The following OGDH variants were observed in gnomAD, a reference collection of about 807,000 sequenced individuals.
OGDH encodes 2-oxoglutarate dehydrogenase complex component E1.
OGDH carries 38 observed loss-of-function variants against 116.6 expected under a neutral mutation model. The ratio of observed to expected loss-of-function variants is 0.33; its 90% CI spans 0.25 to 0.43. The LOEUF is 0.43. Among genes scored for constraint, OGDH ranks in the 20% least tolerant of loss-of-function variants. The pLI is 1.00. For missense variants in OGDH, 825 were observed against 1,357.2 expected (o/e 0.61, Z 6.16); for synonymous variants, 488 against 533.3 (o/e 0.92, Z 1.17).
intron 4 of OGDH, among the ~76,000 whole-genome samples, chr7:44,665,923 A>G (rs1241714869): frequency 6.6e-6 from 1 of 152,190 alleles, no homozygotes; most frequent in Admixed American, 6.6e-5. Flanking sequence ...TTCCAGCATT[A>G]TTCTTTCTCA....
intron 14 of OGDH, among the ~76,000 whole-genome samples, 165 bp downstream of exon 14, chr7:44,696,722 TC>T (rs1280116929): frequency 6.6e-6 from 1 of 152,094 alleles, no homozygotes; most frequent in Non-Finnish European, 1.5e-5. Flanking sequence ...CCTCTCCCAC[TC>T]CCTGCCCTTA....
rs190274072 is a variant in OGDH at position 44,680,454 on chromosome 7, A to G, written c.1207-1266A>G. Among the ~76,000 whole-genome samples, 26 of 152,134 alleles carry G rather than the reference A, an allele frequency of 1.7e-4. No individual in the cohort carries two copies. In the East Asian group the frequency reaches 4.6e-3, roughly 27 times the overall value. On this transcript the variant is annotated intron_variant, in intron 9 of 22. Coordinates refer to ENST00000222673, the MANE Select transcript of OGDH (RefSeq NM_002541.4). Reference sequence around the variant, plus strand: ...ATGGAGTGTCTTGCAGTTGTAGGAGATATTTATAGGTGTGGAAGGAGGTGG... The same window carrying G: ...ATGGAGTGTCTTGCAGTTGTAGGAGGTATTTATAGGTGTGGAAGGAGGTGG...
chr7:44,645,304 C>T (rs776881257), intron 2 of OGDH, 23 bp from the exon 3 acceptor site: 6 of 1,609,382 alleles, frequency 3.7e-6, no homozygotes, highest in Non-Finnish European at 5.1e-6. Context: ...AGTGAGGTAA[C>T]CCTGTACCTT....
chr7:44,700,778 C>T (rs545733543), intron 19 of OGDH, among the ~76,000 whole-genome samples: 1 of 152,124 alleles, frequency 6.6e-6, no homozygotes, highest in Admixed American at 6.5e-5. Flanking sequence ...TTTGTGAGGC[C>T]GAGGCAGGTG....
At chr7:44,643,612 T>A (rs532092284) in intron 2 of OGDH, among the ~76,000 whole-genome samples, 81 of 152,282 alleles carry the variant, frequency 5.3e-4, no homozygotes, top group African/African-American at 1.9e-3. Context: ...CTAGCCAGCA[T>A]TATAAAAGAA....
At chr7:44,690,727 T>A (rs150227518) in intron 10 of OGDH, among the ~76,000 whole-genome samples, 89 of 152,278 alleles carry the variant, frequency 5.8e-4, no homozygotes, top group African/African-American at 1.9e-3. Flanking sequence ...CTCATAACAG[T>A]GGTGAACATT....
intron 2 of OGDH, among the ~76,000 whole-genome samples, chr7:44,630,502 T>A (rs1785392150): frequency 6.6e-6 from 1 of 152,228 alleles, no homozygotes. Flanking sequence ...TTGGAATGCA[T>A]TTTGAGTATT....
At chr7:44,622,082 T>C (rs947907672) in intron 1 of OGDH, among the ~76,000 whole-genome samples, 1 of 152,192 alleles carries the variant, frequency 6.6e-6, no homozygotes, top group Admixed American at 6.5e-5. Flanking sequence ...TGAATACTGA[T>C]AGTTAATGAG....
intron 4 of OGDH, among the ~76,000 whole-genome samples, chr7:44,657,931 T>C (rs1333748727): frequency 5.9e-5 from 9 of 152,244 alleles, no homozygotes; most frequent in Non-Finnish European, 8.8e-5. Context: ...TTTGTACTTT[T>C]GCCAAAAATC....
At chr7:44,664,932 G>T (rs1194178665) in intron 4 of OGDH, among the ~76,000 whole-genome samples, 1 of 152,156 alleles carries the variant, frequency 6.6e-6, no homozygotes, top group Non-Finnish European at 1.5e-5. Flanking sequence ...ACTTCACAGG[G>T]TCCATGCTGA....
intron 2 of OGDH, among the ~76,000 whole-genome samples, chr7:44,634,865 AAC>A (rs1158989510): frequency 6.6e-6 from 1 of 152,250 alleles, no homozygotes; most frequent in Non-Finnish European, 1.5e-5. Flanking sequence ...TGCTTAGCCC[AAC>A]AGCATGAATC....
intron 1 of OGDH, among the ~76,000 whole-genome samples, chr7:44,623,615 C>CTCCAATTAATCCTAATCCTA (rs1554297235): frequency 3.9e-5 from 3 of 77,214 alleles, no homozygotes; most frequent in Non-Finnish European, 8.1e-5. Flanking sequence ...GTATGTTTAT[C>CTCCAATTAATCCTAATCCTA]ATCTTAGCCC....
At chr7:44,629,608 C>G (rs1163658165) in intron 2 of OGDH, among the ~76,000 whole-genome samples, 2 of 126,144 alleles carry the variant, frequency 1.6e-5, no homozygotes, top group African/African-American at 6.2e-5. Context: ...TGAGACGAGT[C>G]TCGCTCTGTC....
chr7:44,655,606 C>CA (rs770925059), intron 4 of OGDH, among the ~76,000 whole-genome samples: 2 of 152,236 alleles, frequency 1.3e-5, no homozygotes, highest in Admixed American at 1.3e-4. Flanking sequence ...CCCAGGCCCA[C>CA]AAGCCCAGAC....
chr7:44,630,013 C>G (rs1785370879), intron 2 of OGDH, among the ~76,000 whole-genome samples: 1 of 152,204 alleles, frequency 6.6e-6, no homozygotes, highest in East Asian at 1.9e-4. Context: ...TGGCCTGCTG[C>G]TGAGTCTGGC....
rs141998350 is a variant in OGDH, at chr7:44,610,436, T to A, written c.-28+3783T>A. On this transcript the variant is annotated intron_variant, in intron 1 of 22. Transcript: ENST00000222673. ...CTTCCGCCTCAGCCTCCTGAGTAGC[T>A]GGGATTACAGGCGCTTGCCACCACA... 5.9e-4 allele frequency among the ~76,000 whole-genome samples: 90 copies of A among 152,126 alleles called. 1 individual carries two copies. The highest frequency in any genetic ancestry group is 2.1e-3 in the African/African-American group (86 of 41,504).
At chr7:44,638,832 C>G (rs1174579977) in intron 2 of OGDH, among the ~76,000 whole-genome samples, 2 of 152,220 alleles carry the variant, frequency 1.3e-5, no homozygotes, top group African/African-American at 4.8e-5. Flanking sequence ...TTGACTCTCT[C>G]TTCCAGAAGC....
intron 1 of OGDH, among the ~76,000 whole-genome samples, chr7:44,611,020 A>G (rs1050985894): frequency 8.6e-5 from 13 of 150,862 alleles, no homozygotes; most frequent in Non-Finnish European, 1.8e-4. Flanking sequence ...GAGTTGAAGA[A>G]CTCTTTGCCT....
intron 4 of OGDH, among the ~76,000 whole-genome samples, chr7:44,666,157 C>G (rs1333146723): frequency 2.0e-5 from 3 of 152,190 alleles, no homozygotes; most frequent in Non-Finnish European, 4.4e-5. Flanking sequence ...TGTTTGCACG[C>G]TGCTGTGCTG....
Sources: allele counts gnomAD v4.1 joint callset (sites outside exome capture counted in the v4.1 genomes callset), GRCh38; gene constraint gnomAD v4.1.1; transcripts MANE v1.5; gene names NCBI Gene and HGNC (gene_info 2026-07-23, HGNC 2026-07-21).